Variants in PTPRD observed in about 807,000 individuals in gnomAD.
PTPRD encodes receptor-type tyrosine-protein phosphatase delta.
PTPRD carries 34 observed loss-of-function variants against 214.5 expected under a neutral mutation model. The ratio of observed to expected loss-of-function variants is 0.16; its 90% CI spans 0.12 to 0.21. The LOEUF (loss-of-function observed/expected upper bound fraction) is 0.21, where lower values mean the gene tolerates loss of function less well. PTPRD is among the 10% of genes least tolerant of loss of function. The probability of loss-of-function intolerance (pLI) is 1.00; values close to 1 mark genes in which losing one functional copy is unlikely to be tolerated. For synonymous variants in PTPRD, 1,128 were observed against 845.7 expected, an observed-to-expected ratio of 1.33 and a Z score of -5.79; for missense variants, 2,545 against 2,398.7, an observed-to-expected ratio of 1.06 and a Z score of -1.27.
chr9:8,991,015 G>A (rs113047388), intron 11 of PTPRD, among the ~76,000 whole-genome samples: 3 of 151,594 alleles, frequency 2.0e-5, no homozygotes, highest in Non-Finnish European at 1.5e-5. Context: ...AGGAGTTTGC[G>A]ACCAGCCTGG....
chr9:9,390,326 T>A (rs190826247), intron 9 of PTPRD, among the ~76,000 whole-genome samples: 5 of 152,210 alleles, frequency 3.3e-5, no homozygotes, highest in African/African-American at 1.2e-4. Flanking sequence ...TGAGCAAAGA[T>A]TATGTGAATT....
chr9:9,745,290 G>A (rs878885332), intron 6 of PTPRD, among the ~76,000 whole-genome samples: 1 of 152,064 alleles, frequency 6.6e-6, no homozygotes, highest in Non-Finnish European at 1.5e-5. Context: ...TGTGGACTAT[G>A]CTAAATATGA....
chr9:8,834,077 G>C (rs2097359834), intron 11 of PTPRD, among the ~76,000 whole-genome samples: 1 of 151,968 alleles, frequency 6.6e-6, no homozygotes. Flanking sequence ...CTCATTTCCA[G>C]AAGGAATCCT....
At chr9:8,834,570 G>C (rs780748698) in intron 11 of PTPRD, among the ~76,000 whole-genome samples, 1 of 152,028 alleles carries the variant, frequency 6.6e-6, no homozygotes, top group Middle Eastern at 3.2e-3. Context: ...TTGATTTTTT[G>C]ACTATCCCAT....
rs575487670 is a variant in PTPRD at position 9,175,358 on chromosome 9, C to T, written c.-143+7946G>A. Among the ~76,000 whole-genome samples, 24 of 152,124 alleles carry T rather than the reference C, an allele frequency of 1.6e-4. No individual in the cohort carries two copies. In the East Asian group the frequency reaches 4.1e-3, roughly 26 times the overall value. On this transcript the variant is annotated intron_variant, in intron 10 of 45. Transcript: ENST00000381196. ...TAATTCTTGGCTGGGCACGGTGGCTCACGCTTGTAATCCCAGCACTTTGGG... is the reference window on the plus strand; with the variant it reads ...TAATTCTTGGCTGGGCACGGTGGCTTACGCTTGTAATCCCAGCACTTTGGG...
intron 9 of PTPRD, among the ~76,000 whole-genome samples, chr9:9,313,816 G>T (rs10120509): frequency 0.11 from 16,187 of 152,106 alleles, 1,585 homozygotes; most frequent in East Asian, 0.33. Flanking sequence ...TGGCACTTTA[G>T]GAAGATTTCT....
intron 21 of PTPRD, among the ~76,000 whole-genome samples, chr9:8,509,829 A>G (rs1402787998): frequency 2.0e-5 from 3 of 152,154 alleles, no homozygotes; most frequent in Non-Finnish European, 4.4e-5. Flanking sequence ...TCCAAGTCTC[A>G]GAGAGTACAC....
At chr9:9,631,985 T>G (rs1321055459) in intron 7 of PTPRD, among the ~76,000 whole-genome samples, 1 of 152,074 alleles carries the variant, frequency 6.6e-6, no homozygotes, top group Non-Finnish European at 1.5e-5. Flanking sequence ...GGAAAAAGGG[T>G]TTAACAATAA....
chr9:9,937,090 G>T lies in PTPRD; in HGVS notation c.-368+1417C>A, dbSNP rs1450124367. On this transcript the variant is annotated intron_variant, in intron 5 of 45. Transcript: ENST00000381196. ...GGGACTGTTGTTGGGTTGGGGGAAGGGGGAGGGATAGCACTGGGAGATATA... is the reference window on the plus strand; with the variant it reads ...GGGACTGTTGTTGGGTTGGGGGAAGTGGGAGGGATAGCACTGGGAGATATA... Among the ~76,000 whole-genome samples the T allele has an allele frequency of 7.2e-5, 11 of 152,110 alleles. 1 individual carries two copies.
chr9:9,043,144 C>T (rs2099647808), intron 10 of PTPRD, among the ~76,000 whole-genome samples: 1 of 152,140 alleles, frequency 6.6e-6, no homozygotes, highest in Non-Finnish European at 1.5e-5. Flanking sequence ...GTGTCTGTGG[C>T]TCACAACAAA....
rs1435832583 is a variant in PTPRD, at chr9:9,058,607, G to A, written c.-142-39872C>T. 2.0e-5 allele frequency among the ~76,000 whole-genome samples: 3 copies of A among 150,738 alleles called. 1 individual carries two copies. Among genetic ancestry groups the A allele is most frequent in the South Asian group, 4.2e-4 (2 of 4,718 alleles). On this transcript the variant is annotated intron_variant, in intron 10 of 45. Transcript: ENST00000381196. ...TGGGACTACAGGCTCCCGCCACCTC[G>A]CCCGGCTAATTTTTTGTATTTTTAG...
rs145725505 is a variant in PTPRD at position 8,634,935 on chromosome 9, C to T, written c.211-1477G>A. 4.3e-4 allele frequency among the ~76,000 whole-genome samples: 65 copies of T among 151,398 alleles called. No homozygotes were observed. The East Asian group carries it at 0.012, about 28-fold the overall frequency. On this transcript the variant is annotated intron_variant, in intron 13 of 45. Transcript: ENST00000381196. Reference sequence around the variant, plus strand: ...ATATCCAGTATTGATTTCATGCCTGCCATGGACCAGACACCATACTTAGCA... The same window carrying T: ...ATATCCAGTATTGATTTCATGCCTGTCATGGACCAGACACCATACTTAGCA...
Position 10,449,764 on chromosome 9 carries a change from G to A in PTPRD, c.-599-108747C>T, listed in dbSNP as rs866674646. On this transcript the variant is annotated intron_variant, in intron 2 of 45. Transcript: ENST00000381196. ...GTGTACCCAACAGCTCATTGAGAAC[G>A]GGCCATGATGACGATGGCGGTTTTG... Among the ~76,000 whole-genome samples, 235 of 151,284 alleles carry A rather than the reference G, an allele frequency of 1.6e-3. 2 individuals carry two copies. Among genetic ancestry groups the A allele is most frequent in the African/African-American group, 2.6e-3 (105 of 40,930 alleles).
Position 10,482,145 on chromosome 9 carries a change from GAGA to G in PTPRD, c.-600+130250_-600+130252del, listed in dbSNP as rs1566393663. Among the ~76,000 whole-genome samples the G allele has an allele frequency of 7.2e-5, 11 of 152,218 alleles. No homozygotes were observed. In the East Asian group the frequency reaches 1.5e-3, roughly 21 times the overall value. ...CCAGCATTTTGGGAGGCCCAGGCGGGAGAATCACGAGGTCAGGAGATTGAGACC... is the reference window on the plus strand; with the variant it reads ...CCAGCATTTTGGGAGGCCCAGGCGGGATCACGAGGTCAGGAGATTGAGACC... On this transcript the variant is annotated intron_variant, in intron 2 of 45. Transcript: ENST00000381196.
intron 8 of PTPRD, among the ~76,000 whole-genome samples, chr9:9,401,133 T>C (rs1047466587): frequency 2.0e-5 from 3 of 152,018 alleles, no homozygotes; most frequent in African/African-American, 7.2e-5. Flanking sequence ...GAACCAATTA[T>C]AGAAATAATT....
intron 8 of PTPRD, among the ~76,000 whole-genome samples, chr9:9,457,073 A>T (rs1400916565): frequency 1.3e-5 from 2 of 151,956 alleles, no homozygotes; most frequent in Non-Finnish European, 2.9e-5. Context: ...AGGATCAGTA[A>T]GAAAATCATT....
At chr9:10,242,387 G>A (rs761763902) in intron 3 of PTPRD, among the ~76,000 whole-genome samples, 1 of 151,938 alleles carries the variant, frequency 6.6e-6, no homozygotes, top group East Asian at 1.9e-4. Flanking sequence ...GATTAGAATA[G>A]GGCAGCGCCA....
intron 3 of PTPRD, among the ~76,000 whole-genome samples, chr9:10,272,791 A>G (rs1013961182): frequency 9.2e-5 from 14 of 152,226 alleles, no homozygotes; most frequent in African/African-American, 4.8e-5. Flanking sequence ...ATAAACAGAA[A>G]TGTTTGCCTT....
chr9:8,722,078 T>C (rs757422564), intron 12 of PTPRD, among the ~76,000 whole-genome samples: 1 of 151,768 alleles, frequency 6.6e-6, no homozygotes, highest in African/African-American at 2.4e-5. Flanking sequence ...TCTCAATAGG[T>C]CAAAAATGTT....
Sources: gnomAD v4.1 joint callset for allele counts (sites outside exome capture counted in the v4.1 genomes callset) on GRCh38, gnomAD v4.1.1 for gene constraint, MANE v1.5 for transcripts, NCBI Gene and HGNC (gene_info 2026-07-23, HGNC 2026-07-21) for gene names.